Variants in MAST2 observed in about 807,000 individuals in gnomAD.
MAST2 encodes microtubule associated serine/threonine kinase 2.
MAST2 carries 70 observed loss-of-function variants against 147.4 expected under a neutral mutation model. The observed-to-expected ratio is 0.47, with a 90% CI of 0.39 to 0.58. The LOEUF (loss-of-function observed/expected upper bound fraction) is 0.58, where lower values mean the gene tolerates loss of function less well. Among genes scored for constraint, MAST2 ranks in the 20% least tolerant of loss-of-function variants. The pLI, the probability that MAST2 is intolerant of heterozygous loss-of-function variation, is 0.00. For missense variants in MAST2, 2,080 were observed against 2,302.3 expected, an observed-to-expected ratio of 0.90 and a Z score of 1.98; for synonymous variants, 869 against 896.8, an observed-to-expected ratio of 0.97 and a Z score of 0.55.
In MAST2 at chr1:45,937,462, C is replaced by A. The variant is rs114307982; in HGVS notation, c.501-21924C>A. On this transcript the variant is annotated intron_variant, in intron 4 of 28. Coordinates refer to ENST00000361297, the MANE Select transcript of MAST2 (RefSeq NM_015112.3). Reference sequence around the variant, plus strand: ...AAATTTACAAAGTATAAAATATGCCCATTGTGGTTGGGTACGGTGGCTTAC... The same window carrying A: ...AAATTTACAAAGTATAAAATATGCCAATTGTGGTTGGGTACGGTGGCTTAC... Among the ~76,000 whole-genome samples, 811 of 151,902 alleles carry A rather than the reference C, an allele frequency of 5.3e-3. 3 individuals are homozygous for A. The highest frequency in any genetic ancestry group is 9.3e-3 in the Non-Finnish European group (630 of 67,920).
chr1:45,973,343 C>T (rs897727852), intron 5 of MAST2, among the ~76,000 whole-genome samples: 1 of 152,120 alleles, frequency 6.6e-6, no homozygotes, highest in African/African-American at 2.4e-5. Flanking sequence ...ATTTCAGTTT[C>T]CTTCTTCCTG....
intron 2 of MAST2, among the ~76,000 whole-genome samples, chr1:45,824,985 A>G (rs1644746663): frequency 6.6e-6 from 1 of 152,240 alleles, no homozygotes; most frequent in Non-Finnish European, 1.5e-5. Flanking sequence ...AAGTCACAGT[A>G]CAAAAGGAAG....
At chr1:46,021,094 G>A (rs1451296640) in intron 11 of MAST2, among the ~76,000 whole-genome samples, 1 of 152,160 alleles carries the variant, frequency 6.6e-6, no homozygotes. Flanking sequence ...GTATTTATGA[G>A]AGAGACATTC....
intron 9 of MAST2, among the ~76,000 whole-genome samples, chr1:46,009,193 T>A (rs534295834): frequency 2.2e-4 from 34 of 152,328 alleles, no homozygotes; most frequent in African/African-American, 7.9e-4. Flanking sequence ...ATGCTGGGAC[T>A]ACAGGCATGC....
chr1:45,944,892 GTC>G (rs1319321790), intron 4 of MAST2, among the ~76,000 whole-genome samples: 1 of 152,102 alleles, frequency 6.6e-6, no homozygotes, highest in Non-Finnish European at 1.5e-5. Flanking sequence ...ACATATCTAA[GTC>G]TCTTCAGCTA....
intron 2 of MAST2, among the ~76,000 whole-genome samples, chr1:45,828,283 T>G (rs962089566): frequency 9.2e-5 from 14 of 152,180 alleles, no homozygotes; most frequent in East Asian, 3.8e-4. Flanking sequence ...TTTACTACAT[T>G]GGGTATTTTC....
intron 4 of MAST2, among the ~76,000 whole-genome samples, chr1:45,929,102 G>T (rs1051262440): frequency 1.3e-5 from 2 of 151,958 alleles, no homozygotes; most frequent in Non-Finnish European, 2.9e-5. Flanking sequence ...TGTTAGTAGT[G>T]GCCATTGATA....
chr1:45,914,835 G>A (rs950646715), intron 4 of MAST2, among the ~76,000 whole-genome samples: 1 of 152,166 alleles, frequency 6.6e-6, no homozygotes, highest in Non-Finnish European at 1.5e-5. Flanking sequence ...TTTAAAAACA[G>A]ACTTCATCAA....
intron 4 of MAST2, among the ~76,000 whole-genome samples, chr1:45,901,689 G>C (rs1324315441): frequency 6.6e-6 from 1 of 152,104 alleles, no homozygotes; most frequent in African/African-American, 2.4e-5. Context: ...TCCTTGTAGA[G>C]GTCTTTCATC....
intron 5 of MAST2, among the ~76,000 whole-genome samples, chr1:45,972,094 A>G (rs1643934044): frequency 6.6e-6 from 1 of 152,202 alleles, no homozygotes; most frequent in Admixed American, 6.5e-5. Flanking sequence ...TGCTGCATGG[A>G]AGATGACTAA....
At chr1:45,876,526 C>T (rs576584887) in intron 3 of MAST2, among the ~76,000 whole-genome samples, 4 of 152,246 alleles carry the variant, frequency 2.6e-5, no homozygotes, top group Non-Finnish European at 5.9e-5. Context: ...CAGGTATTAC[C>T]AGCCTAGTTG....
intron 16 of MAST2, 117 bp downstream of exon 16, chr1:46,025,932 T>C: frequency 7.6e-7 from 1 of 1,323,648 alleles, no homozygotes; most frequent in Non-Finnish European, 1.1e-6. Context: ...AACATGCTCC[T>C]GTGTGTGTCC....
chr1:45,825,680 G>C (rs895846545), intron 2 of MAST2, among the ~76,000 whole-genome samples: 1 of 151,862 alleles, frequency 6.6e-6, no homozygotes, highest in African/African-American at 2.4e-5. Flanking sequence ...TGATCCGCCT[G>C]CCTTGGCCTC....
At chr1:46,033,781 G>C (rs767434198) in intron 26 of MAST2, 21 bp from the exon 27 acceptor site, 1 of 1,612,942 alleles carries the variant, frequency 6.2e-7, no homozygotes, top group Non-Finnish European at 8.5e-7. Flanking sequence ...CTTAGCCTAG[G>C]CCTCATGCTC....
intron 4 of MAST2, among the ~76,000 whole-genome samples, chr1:45,909,135 T>C (rs1441026232): frequency 3.3e-5 from 5 of 152,194 alleles, no homozygotes; most frequent in African/African-American, 1.2e-4. Context: ...ATTTCTACTT[T>C]CTTGTTTTCT....
rs992147052 is a variant in MAST2 at position 45,831,334 on chromosome 1, T to C, written c.468+1753T>C. On this transcript the variant is annotated intron_variant, in intron 3 of 28. Coordinates refer to ENST00000361297, the MANE Select transcript of MAST2 (RefSeq NM_015112.3). ...GATATAAGCCTTTTGGGTCAACATA[T>C]GTGGAGTAGAAAGTTTTGTCCATTT... Among the ~76,000 whole-genome samples, 8 of 152,266 alleles carry C rather than the reference T, an allele frequency of 5.3e-5. No individual in the cohort carries two copies. In the South Asian group the frequency reaches 1.5e-3, roughly 28 times the overall value.
At chr1:46,030,357 A>G (rs1481498731) in intron 21 of MAST2, 119 bp downstream of exon 21, 3 of 1,007,534 alleles carry the variant, frequency 3.0e-6, no homozygotes, top group Admixed American at 2.3e-5. Context: ...CCTCTAGAAA[A>G]AGAGGAGCTA....
chr1:45,939,988 T>TG (rs1557937911), intron 4 of MAST2, among the ~76,000 whole-genome samples: 17 of 130,774 alleles, frequency 1.3e-4, no homozygotes, highest in African/African-American at 3.8e-4. Context: ...GGGTTTTTTT[T>TG]TTTTTTTTTT....
At chr1:45,862,487 ATT>A (rs67344347) in intron 3 of MAST2, among the ~76,000 whole-genome samples, 51 of 136,108 alleles carry the variant, frequency 3.7e-4, no homozygotes, top group East Asian at 6.4e-4. Flanking sequence ...AGGACTGAAG[ATT>A]TTTTTTTTTT....
Sources: gnomAD v4.1 joint callset for allele counts (sites outside exome capture counted in the v4.1 genomes callset) on GRCh38, gnomAD v4.1.1 for gene constraint, MANE v1.5 for transcripts, NCBI Gene and HGNC (gene_info 2026-07-23, HGNC 2026-07-21) for gene names.